The following IGSF21 variants were observed in gnomAD, a reference collection of about 807,000 sequenced individuals.
IGSF21 encodes immunoglobin superfamily member 21, also known as immunoglobulin superfamily member 21.
In IGSF21, 28 loss-of-function variants were observed where a neutral mutation model predicts 46.8. The ratio of observed to expected loss-of-function variants is 0.60; its 90% confidence interval spans 0.44 to 0.82. IGSF21 has a LOEUF of 0.82. Among genes scored for constraint, IGSF21 ranks in the 40% least tolerant of loss-of-function variants. The probability of loss-of-function intolerance (pLI) is 0.00; values close to 1 mark genes in which losing one functional copy is unlikely to be tolerated. For synonymous variants in IGSF21, 284 were observed against 273.6 expected, an observed-to-expected ratio of 1.04 and a Z score of -0.38; for missense variants, 624 against 665.5, an observed-to-expected ratio of 0.94 and a Z score of 0.69.
chr1:18,223,077 C>T (rs2084527263), intron 1 of IGSF21, among the ~76,000 whole-genome samples: 1 of 152,234 alleles, frequency 6.6e-6, no homozygotes, highest in Admixed American at 6.5e-5. Flanking sequence ...GATGTTTGTC[C>T]TGGCCTTGGA....
intron 1 of IGSF21, among the ~76,000 whole-genome samples, chr1:18,125,645 A>T (rs2086268416): frequency 6.6e-6 from 1 of 152,250 alleles, no homozygotes; most frequent in Non-Finnish European, 1.5e-5. Flanking sequence ...GCTATGTTCC[A>T]GATAGTGTGC....
At chr1:18,287,486 G>C (rs1326863736) in intron 2 of IGSF21, among the ~76,000 whole-genome samples, 1 of 152,158 alleles carries the variant, frequency 6.6e-6, no homozygotes, top group Admixed American at 6.5e-5. Flanking sequence ...AAGGACCTGT[G>C]TGTTTGTTCA....
rs536297416 is a variant in IGSF21, at chr1:18,140,529, C to T, written c.70+32331C>T. On this transcript the variant is annotated intron_variant, in intron 1 of 9. Transcript: ENST00000251296. ...GGATCTGGAAAGCACTGGAGGCGGC[C>T]GCATATGCATGCTCCATGGAAGCGG... is the stretch of plus-strand genomic sequence containing the variant. Among the ~76,000 whole-genome samples the T allele has an allele frequency of 7.1e-4, 108 of 152,282 alleles. 1 individual carries two copies. The highest frequency in any genetic ancestry group is 2.5e-3 in the African/African-American group (105 of 41,564).
chr1:18,300,778 C>A (rs562155491), intron 3 of IGSF21, among the ~76,000 whole-genome samples: 1 of 152,164 alleles, frequency 6.6e-6, no homozygotes, highest in Non-Finnish European at 1.5e-5. Context: ...CTAGAAGTTC[C>A]ACTGGACCCA....
intron 3 of IGSF21, among the ~76,000 whole-genome samples, chr1:18,324,713 A>G (rs1414358536): frequency 4.6e-5 from 7 of 152,090 alleles, no homozygotes; most frequent in Non-Finnish European, 2.9e-5. Flanking sequence ...AGCTCAAGGG[A>G]GGGTCTCCTG....
chr1:18,285,078 C>T (rs2085199614), intron 2 of IGSF21, among the ~76,000 whole-genome samples: 1 of 152,178 alleles, frequency 6.6e-6, no homozygotes. Flanking sequence ...GGGATTGGCC[C>T]ATAAGTGGGA....
intron 1 of IGSF21, among the ~76,000 whole-genome samples, chr1:18,177,962 C>T (rs539074910): frequency 8.8e-4 from 134 of 151,972 alleles, no homozygotes; most frequent in Non-Finnish European, 1.5e-3. Context: ...CACGATGGGG[C>T]GAGTTTCTTA....
intron 1 of IGSF21, chr1:18,167,607 G>A (rs1014140178): frequency 3.3e-5 from 5 of 152,148 alleles, no homozygotes; most frequent in South Asian, 2.1e-4. Flanking sequence ...AGTGGATTAG[G>A]CTGAGAAGGC....
intron 2 of IGSF21, among the ~76,000 whole-genome samples, chr1:18,283,911 A>G (rs1205455800): frequency 6.6e-6 from 1 of 152,196 alleles, no homozygotes; most frequent in African/African-American, 2.4e-5. Context: ...ATAAAAAAAA[A>G]TGTTGAAAAG....
intron 2 of IGSF21, among the ~76,000 whole-genome samples, chr1:18,248,175 G>A (rs2084802797): frequency 6.6e-6 from 1 of 152,196 alleles, no homozygotes; most frequent in Non-Finnish European, 1.5e-5. Context: ...TGTCCCCTAA[G>A]CTGAGCTTCT....
At chr1:18,155,749 G>A (rs1169821924) in intron 1 of IGSF21, among the ~76,000 whole-genome samples, 1 of 152,230 alleles carries the variant, frequency 6.6e-6, no homozygotes, top group Non-Finnish European at 1.5e-5. Flanking sequence ...GAGCCGGGAA[G>A]GGCTGGAAGA....
intron 3 of IGSF21, among the ~76,000 whole-genome samples, chr1:18,312,914 T>A (rs1045274251): frequency 6.6e-6 from 1 of 152,214 alleles, no homozygotes; most frequent in African/African-American, 2.4e-5. Context: ...TGTTGGACAG[T>A]GACCTTGTTG....
chr1:18,117,413 T>G (rs1474760577), intron 1 of IGSF21, among the ~76,000 whole-genome samples: 1 of 152,212 alleles, frequency 6.6e-6, no homozygotes, highest in African/African-American at 2.4e-5. Flanking sequence ...CCAATGGGCA[T>G]GGGCTTTGTA....
chr1:18,124,183 G>T (rs369515655), intron 1 of IGSF21, among the ~76,000 whole-genome samples: 1 of 152,304 alleles, frequency 6.6e-6, no homozygotes, highest in African/African-American at 2.4e-5. Context: ...AGCCAAAATA[G>T]GGGTGTGGCC....
chr1:18,266,271 C>T (rs934274151), intron 2 of IGSF21, among the ~76,000 whole-genome samples: 1 of 152,174 alleles, frequency 6.6e-6, no homozygotes, highest in African/African-American at 2.4e-5. Context: ...CCAGGCCACA[C>T]AGCCAGTATA....
chr1:18,154,379 C>T (rs1024999356), intron 1 of IGSF21, among the ~76,000 whole-genome samples: 1 of 152,078 alleles, frequency 6.6e-6, no homozygotes, highest in Non-Finnish European at 1.5e-5. Flanking sequence ...CAAAACTTCC[C>T]CATTCAAAGC....
intron 1 of IGSF21, among the ~76,000 whole-genome samples, chr1:18,196,037 CAG>C (rs1221637536): frequency 6.6e-6 from 1 of 152,124 alleles, no homozygotes; most frequent in African/African-American, 2.4e-5. Context: ...GGGTTGTGTG[CAG>C]AGAGACTTGG....
chr1:18,310,489 A>G (rs187472396), intron 3 of IGSF21, among the ~76,000 whole-genome samples: 3 of 152,324 alleles, frequency 2.0e-5, no homozygotes, highest in Admixed American at 6.5e-5. Flanking sequence ...TTATTTACCT[A>G]TTCTCCTGTG....
intron 1 of IGSF21, among the ~76,000 whole-genome samples, chr1:18,197,254 A>T (rs1156710865): frequency 6.6e-6 from 1 of 152,118 alleles, no homozygotes; most frequent in Non-Finnish European, 1.5e-5. Flanking sequence ...GAGAGCAGAG[A>T]AGCCTGGTGC....
Sources: gnomAD v4.1 joint callset for allele counts (sites outside exome capture counted in the v4.1 genomes callset) on GRCh38, gnomAD v4.1.1 for gene constraint, MANE v1.5 for transcripts, NCBI Gene and HGNC (gene_info 2026-07-23, HGNC 2026-07-21) for gene names.